The following MGME1 variants were observed in gnomAD, a reference collection of about 807,000 sequenced individuals.
MGME1 encodes chromosome 20 open reading frame 72.
In MGME1, 22 loss-of-function variants were observed where a neutral mutation model predicts 33.0. That is an observed-to-expected ratio of 0.67 (90% CI 0.48 to 0.95). The LOEUF (loss-of-function observed/expected upper bound fraction) is 0.95, where lower values mean the gene tolerates loss of function less well. MGME1 is among the 40% of genes least tolerant of loss of function. MGME1 has a pLI of 0.00. For missense variants in MGME1, 383 were observed against 397.8 expected (o/e 0.96, Z 0.32); for synonymous variants, 133 against 144.0 (o/e 0.92, Z 0.55).
chr20:17,984,878 A>C (rs1253306528), intron 3 of MGME1, among the ~76,000 whole-genome samples: 1 of 152,050 alleles, frequency 6.6e-6, no homozygotes, highest in Non-Finnish European at 1.5e-5. Context: ...TTTGCTACAA[A>C]TGCAAAAAAT....
At chr20:17,987,104 C>T (rs183854161) in intron 3 of MGME1, among the ~76,000 whole-genome samples, 2 of 151,182 alleles carry the variant, frequency 1.3e-5, no homozygotes, top group African/African-American at 4.9e-5. Flanking sequence ...AGCTTGAACC[C>T]AGGAGGCGGA....
chr20:17,989,717 T>TC (rs2036244816), intron 4 of MGME1, among the ~76,000 whole-genome samples: 1 of 151,576 alleles, frequency 6.6e-6, no homozygotes, highest in East Asian at 1.9e-4. Flanking sequence ...TTTTTTTTTT[T>TC]CAATGGCTCT....
At chr20:17,970,429 G>A (rs2035697517) in intron 2 of MGME1, 59 bp downstream of exon 2, 1 of 1,503,742 alleles carries the variant, frequency 6.7e-7, no homozygotes, top group Non-Finnish European at 8.9e-7. Flanking sequence ...AGAGAGCAAC[G>A]GTGTCAAAAG....
At chr20:17,986,547 A>G in intron 3 of MGME1, among the ~76,000 whole-genome samples, 1 of 151,138 alleles carries the variant, frequency 6.6e-6, no homozygotes, top group Non-Finnish European at 1.5e-5. Flanking sequence ...TTTTATAGAG[A>G]CAGGGTTTCA....
At chr20:17,975,606 G>A (rs1439706448) in intron 2 of MGME1, 78 bp from the exon 3 acceptor site, 7 of 997,606 alleles carry the variant, frequency 7.0e-6, no homozygotes, top group East Asian at 2.5e-5. Flanking sequence ...TTGTTTCAGG[G>A]CGTTTTAGAG....
chr20:17,977,548 C>T (rs1352164465), intron 3 of MGME1, among the ~76,000 whole-genome samples: 2 of 152,086 alleles, frequency 1.3e-5, no homozygotes, highest in East Asian at 3.9e-4. Context: ...GTACAGTGCT[C>T]ATATATATAA....
intron 3 of MGME1, among the ~76,000 whole-genome samples, chr20:17,983,118 TC>T (rs1364427308): frequency 6.6e-6 from 1 of 152,190 alleles, no homozygotes; most frequent in African/African-American, 2.4e-5. Flanking sequence ...CTTTCTGAGT[TC>T]GACTTTTTTA....
At chr20:17,989,548 T>C (rs2036238898) in intron 4 of MGME1, among the ~76,000 whole-genome samples, 1 of 151,242 alleles carries the variant, frequency 6.6e-6, no homozygotes, top group South Asian at 2.1e-4. Flanking sequence ...AACTCCATCA[T>C]TACTAAAAAT....
In MGME1 at chr20:17,986,887, T is replaced by C. The variant is rs117564696; in HGVS notation, c.732-1279T>C. ...TTACAGTACATTGCTGCAAACAGTG[T>C]TCTGTGGCAGAAATATAACATGGTG... On this transcript the variant is annotated intron_variant, in intron 3 of 4. Transcript: ENST00000377710. 5.2e-3 allele frequency among the ~76,000 whole-genome samples: 795 copies of C among 151,954 alleles called. 22 individuals are homozygous for C. The East Asian group carries it at 0.074, about 14-fold the overall frequency.
At chr20:17,971,620 A>G (rs1183519752) in intron 2 of MGME1, among the ~76,000 whole-genome samples, 2 of 152,210 alleles carry the variant, frequency 1.3e-5, no homozygotes, top group African/African-American at 4.8e-5. Flanking sequence ...GGCACAAAGT[A>G]AGGAAGTGCA....
chr20:17,968,763 A>T, upstream of MGME1: 1 of 354,434 alleles, frequency 2.8e-6, no homozygotes, highest in Non-Finnish European at 5.2e-6. Context: ...GAAGCAACGG[A>T]CACTCTCCCA....
intron 2 of MGME1, among the ~76,000 whole-genome samples, chr20:17,972,131 G>C (rs1040704496): frequency 6.6e-6 from 1 of 152,108 alleles, no homozygotes; most frequent in Non-Finnish European, 1.5e-5. Context: ...AAGAAAAAGG[G>C]CTCACTAAAT....
intron 3 of MGME1, among the ~76,000 whole-genome samples, chr20:17,978,578 G>C (rs1482623029): frequency 6.6e-6 from 1 of 152,036 alleles, no homozygotes; most frequent in African/African-American, 2.4e-5. Context: ...AGATTTAATA[G>C]ACTTTGGTTG....
chr20:17,983,622 T>C (rs2036086961), intron 3 of MGME1, among the ~76,000 whole-genome samples: 1 of 152,212 alleles, frequency 6.6e-6, no homozygotes, highest in Non-Finnish European at 1.5e-5. Flanking sequence ...TTTGTCTTTT[T>C]GATAATAGCC....
At chr20:17,970,609 T>C (rs2035702976) in intron 2 of MGME1, among the ~76,000 whole-genome samples, 1 of 152,236 alleles carries the variant, frequency 6.6e-6, no homozygotes, top group African/African-American at 2.4e-5. Flanking sequence ...ATAGATCAAA[T>C]ATTTGACTAA....
Position 17,983,055 on chromosome 20 carries a change from C to G in MGME1, c.732-5111C>G, listed in dbSNP as rs75654952. 5.0e-3 allele frequency among the ~76,000 whole-genome samples: 759 copies of G among 152,232 alleles called. 7 individuals carry two copies. The highest frequency in any genetic ancestry group is 0.018 in the African/African-American group (735 of 41,536). ...CCCTGGGATCAGCATCTCCCCTTTC[C>G]TCTTCCCCACTCTCCATCCCTATCC... On this transcript the variant is annotated intron_variant, in intron 3 of 4. Transcript: ENST00000377710.
chr20:17,986,943 G>C (rs1362473708), intron 3 of MGME1, among the ~76,000 whole-genome samples: 4 of 151,854 alleles, frequency 2.6e-5, no homozygotes, highest in Non-Finnish European at 4.4e-5. Context: ...CAGTTTGGGA[G>C]GCCAAGGCGG....
chr20:17,977,791 G>A (rs910259692), intron 3 of MGME1, among the ~76,000 whole-genome samples: 1 of 152,068 alleles, frequency 6.6e-6, no homozygotes, highest in African/African-American at 2.4e-5. Flanking sequence ...ATGAATGCCT[G>A]ACTTTCTGGG....
At chr20:17,982,421 G>A (rs2036046646) in intron 3 of MGME1, among the ~76,000 whole-genome samples, 1 of 152,164 alleles carries the variant, frequency 6.6e-6, no homozygotes, top group Non-Finnish European at 1.5e-5. Context: ...TGCCTGGCCT[G>A]TTTGTTTTAG....
Sources: allele counts gnomAD v4.1 joint callset (sites outside exome capture counted in the v4.1 genomes callset), GRCh38; gene constraint gnomAD v4.1.1; transcripts MANE v1.5; gene names NCBI Gene and HGNC (gene_info 2026-07-23, HGNC 2026-07-21).